The following MYO3B variants were observed in gnomAD, a reference collection of about 807,000 sequenced individuals.
MYO3B encodes the protein myosin-IIIb.
MYO3B carries 156 observed loss-of-function variants against 174.6 expected under a neutral mutation model. That is an observed-to-expected ratio of 0.89 (90% CI 0.78 to 1.02). MYO3B has a LOEUF of 1.02. Ranked by LOEUF, MYO3B falls within the 50% of genes least tolerant of loss-of-function variation. The probability of loss-of-function intolerance (pLI) is 0.00; values close to 1 mark genes in which losing one functional copy is unlikely to be tolerated. For missense variants in MYO3B, 1,632 were observed against 1,639.4 expected, an observed-to-expected ratio of 1.00 and a Z score of 0.08; for synonymous variants, 563 against 569.1, an observed-to-expected ratio of 0.99 and a Z score of 0.15.
At chr2:170,477,717 C>T (rs1575044084) in intron 25 of MYO3B, among the ~76,000 whole-genome samples, 1 of 150,656 alleles carries the variant, frequency 6.6e-6, no homozygotes, top group African/African-American at 2.5e-5. Context: ...GATTCCAACA[C>T]CTCCACCCTC....
intron 30 of MYO3B, among the ~76,000 whole-genome samples, chr2:170,540,276 A>G (rs1690000533): frequency 6.6e-6 from 1 of 151,936 alleles, no homozygotes; most frequent in Non-Finnish European, 1.5e-5. Flanking sequence ...GTGAGCCATG[A>G]TCATGTCACT....
chr2:170,495,661 T>C (rs1249900889), intron 25 of MYO3B, among the ~76,000 whole-genome samples: 1 of 152,140 alleles, frequency 6.6e-6, no homozygotes. Flanking sequence ...TACACTCCTC[T>C]TATATCTTTC....
intron 22 of MYO3B, among the ~76,000 whole-genome samples, chr2:170,408,890 T>G (rs1193810574): frequency 6.6e-6 from 1 of 152,116 alleles, no homozygotes; most frequent in Non-Finnish European, 1.5e-5. Flanking sequence ...AAGGCTGCCC[T>G]CCAGCTTCCA....
intron 26 of MYO3B, 68 bp downstream of exon 26, chr2:170,498,771 G>A: frequency 4.0e-5 from 39 of 973,682 alleles, no homozygotes; most frequent in Non-Finnish European, 6.1e-5. Flanking sequence ...GATGTCACTG[G>A]CATGAATGGC....
chr2:170,395,948 T>G (rs2094440374), intron 16 of MYO3B, among the ~76,000 whole-genome samples: 1 of 152,208 alleles, frequency 6.6e-6, no homozygotes, highest in Non-Finnish European at 1.5e-5. Flanking sequence ...GAATACTACA[T>G]CAAAAGAAGT....
At chr2:170,472,480 C>T (rs1010234651) in intron 25 of MYO3B, among the ~76,000 whole-genome samples, 1 of 152,126 alleles carries the variant, frequency 6.6e-6, no homozygotes, top group African/African-American at 2.4e-5. Context: ...CAAGCTAAAT[C>T]CTACTCATTC....
At position 170,371,160 on chromosome 2, in the gene MYO3B, G is replaced by C. The variant is rs1368806899; in HGVS notation, c.971+1783G>C. Reference sequence around the variant, plus strand: ...TTAAACCTGGGAGGCGGAAGTTGCAGTGAGCTGAGATCGCGCCACTGCACT... The same window carrying C: ...TTAAACCTGGGAGGCGGAAGTTGCACTGAGCTGAGATCGCGCCACTGCACT... On this transcript the variant is annotated intron_variant, in intron 9 of 34. Transcript: ENST00000408978. Among the ~76,000 whole-genome samples the C allele has an allele frequency of 6.3e-5, 9 of 142,568 alleles. No homozygotes were observed. The Admixed American group carries it at 6.5e-4, about 10-fold the overall frequency. The allele number at this position is 142,568 out of a possible 152,430, so 93.5% of individuals were successfully genotyped here.
At chr2:170,552,896 G>C (rs891415351) in intron 32 of MYO3B, among the ~76,000 whole-genome samples, 115 of 152,276 alleles carry the variant, frequency 7.6e-4, no homozygotes, top group Middle Eastern at 3.4e-3. Flanking sequence ...CATCCCAGCC[G>C]ATCTAGCTTC....
intron 10 of MYO3B, 93 bp downstream of exon 10, chr2:170,382,205 C>A: frequency 9.8e-7 from 1 of 1,019,974 alleles, no homozygotes; most frequent in South Asian, 1.5e-5. Context: ...CTCCTAAGGT[C>A]ATTTGAAAAT....
intron 32 of MYO3B, among the ~76,000 whole-genome samples, chr2:170,577,748 C>T (rs1381710970): frequency 6.6e-6 from 1 of 152,174 alleles, no homozygotes; most frequent in African/African-American, 2.4e-5. Context: ...TGACTTGAAG[C>T]AGAGAAGCAT....
intron 32 of MYO3B, among the ~76,000 whole-genome samples, chr2:170,583,819 C>G (rs1693316978): frequency 6.6e-6 from 1 of 152,130 alleles, no homozygotes; most frequent in South Asian, 2.1e-4. Flanking sequence ...GCAAATAGTA[C>G]ATTGTGACTT....
chr2:170,544,274 ACAGCTGAC>A (rs375198178), intron 32 of MYO3B, among the ~76,000 whole-genome samples: 1 of 152,328 alleles, frequency 6.6e-6, no homozygotes, highest in African/African-American at 2.4e-5. Context: ...GGGAAGATAA[ACAGCTGAC>A]CAGCTTTTAG....
intron 7 of MYO3B, among the ~76,000 whole-genome samples, chr2:170,275,116 T>C (rs1302484035): frequency 1.3e-5 from 2 of 152,222 alleles, no homozygotes; most frequent in African/African-American, 4.8e-5. Context: ...TAGGTCCCCA[T>C]TTAATGTTGT....
At chr2:170,374,478 G>A (rs937520812) in intron 9 of MYO3B, among the ~76,000 whole-genome samples, 1 of 152,170 alleles carries the variant, frequency 6.6e-6, no homozygotes, top group Non-Finnish European at 1.5e-5. Flanking sequence ...CGGTGGAATA[G>A]AAAGAAATGT....
intron 32 of MYO3B, among the ~76,000 whole-genome samples, chr2:170,648,641 T>TTATATTCTATATAATA (rs1698564613): frequency 1.1e-5 from 1 of 87,198 alleles, no homozygotes; most frequent in Non-Finnish European, 2.0e-5. Context: ...TGTATATATA[T>TTATATTCTATATAATA]TATATTCTAT....
intron 7 of MYO3B, among the ~76,000 whole-genome samples, chr2:170,281,760 A>G (rs2093512813): frequency 6.6e-6 from 1 of 152,170 alleles, no homozygotes; most frequent in African/African-American, 2.4e-5. Flanking sequence ...CAAAAAAAGC[A>G]TTCAAAAGAT....
intron 23 of MYO3B, among the ~76,000 whole-genome samples, chr2:170,454,404 C>T (rs535804716): frequency 7.2e-5 from 11 of 152,310 alleles, no homozygotes; most frequent in African/African-American, 2.4e-4. Flanking sequence ...CCCTGCAATA[C>T]GGCTCCAGTT....
chr2:170,621,788 C>G (rs1040057356), intron 32 of MYO3B, among the ~76,000 whole-genome samples: 1 of 152,064 alleles, frequency 6.6e-6, no homozygotes, highest in Non-Finnish European at 1.5e-5. Context: ...CTGGGGCCAC[C>G]GTGAGCCACC....
chr2:170,432,804 T>C (rs2094721854), intron 22 of MYO3B, among the ~76,000 whole-genome samples: 1 of 151,824 alleles, frequency 6.6e-6, no homozygotes, highest in Admixed American at 6.6e-5. Flanking sequence ...CTCGATCTCC[T>C]GACCTTGTGA....
Sources: gnomAD v4.1 joint callset for allele counts (sites outside exome capture counted in the v4.1 genomes callset) on GRCh38, gnomAD v4.1.1 for gene constraint, MANE v1.5 for transcripts, NCBI Gene and HGNC (gene_info 2026-07-23, HGNC 2026-07-21) for gene names.